The following HMCN2 variants were observed in gnomAD, a reference collection of about 807,000 sequenced individuals.
HMCN2 encodes the protein hemicentin-2.
In HMCN2, 325 loss-of-function variants were observed where a neutral mutation model predicts 377.5. The ratio of observed to expected loss-of-function variants is 0.86; its 90% CI spans 0.79 to 0.94. The LOEUF is 0.94. Ranked by LOEUF, HMCN2 falls within the 40% of genes least tolerant of loss-of-function variation. The pLI, the probability that HMCN2 is intolerant of heterozygous loss-of-function variation, is 0.00. For synonymous variants in HMCN2, 2,007 were observed against 2,046.8 expected, an observed-to-expected ratio of 0.98 and a Z score of 0.53; for missense variants, 4,543 against 4,725.3, an observed-to-expected ratio of 0.96 and a Z score of 1.13.
At chr9:130,429,878 G>A in intron 94 of HMCN2, 193 bp downstream of exon 94, 2 of 1,104,418 alleles carry the variant, frequency 1.8e-6, no homozygotes, top group South Asian at 1.8e-5. Context: ...CCGACACTTT[G>A]CACTCACTGG....
At chr9:130,424,167 ATAT>A (rs1174254028) in intron 87 of HMCN2, among the ~76,000 whole-genome samples, 3,317 of 97,112 alleles carry the variant, frequency 0.034, 56 homozygotes, top group African/African-American at 0.086. Flanking sequence ...ATATATATAT[ATAT>A]TTTTTTTTTT....
At position 130,397,643 on chromosome 9, in the gene HMCN2, C is replaced by T. The variant is rs943295023; in HGVS notation, c.11314C>T (p.Leu3772=). The T allele has an allele frequency of 7.8e-7, 1 of 1,289,806 alleles. No homozygotes were observed. The highest frequency in any genetic ancestry group is 1.0e-6 in the Non-Finnish European group (1 of 988,876). The allele number at this position is 1,289,806 out of a possible 1,614,324, so 79.9% of individuals were successfully genotyped here. A position where few individuals can be genotyped will look rare whatever the true frequency, so the allele number is the denominator to read the frequency against. The part of the protein sequence containing the change: ...SAGSDRQGRD[L]RVLEPPAIAP... ...TGGCTCCGATCGTCAAGGCCGTGAC[C>T]TACGGGTCTTGGGTAGGTGGCCTGG... The change falls in exon 74 of 98, where the codon CTA becomes TTA. Residue 3772 remains leucine (L), a synonymous_variant. Coordinates refer to ENST00000683500, the MANE Select transcript of HMCN2 (RefSeq NM_001291815.2).
chr9:130,420,408 C>T (rs1172922510), intron 86 of HMCN2, among the ~76,000 whole-genome samples: 17 of 152,228 alleles, frequency 1.1e-4, no homozygotes, highest in Non-Finnish European at 2.2e-4. Flanking sequence ...TTGGCAGGCC[C>T]CAGTCCCAAC....
chr9:130,419,068 C>T (rs1028283483), intron 86 of HMCN2, 27 bp downstream of exon 86: 13 of 1,465,160 alleles, frequency 8.9e-6, no homozygotes, highest in East Asian at 2.5e-5. Flanking sequence ...TCTGGACCTT[C>T]GTGGACAGAG....
At chr9:130,342,148 C>T (rs1160457897) in intron 24 of HMCN2, among the ~76,000 whole-genome samples, 3 of 152,168 alleles carry the variant, frequency 2.0e-5, no homozygotes, top group South Asian at 4.1e-4. Flanking sequence ...ATGTGGGGCT[C>T]GGCCCTGGTG....
intron 4 of HMCN2, among the ~76,000 whole-genome samples, chr9:130,288,494 G>T (rs970438537): frequency 1.3e-5 from 2 of 152,202 alleles, no homozygotes; most frequent in Non-Finnish European, 2.9e-5. Context: ...CCAGGGCTGC[G>T]GTCACCCTCC....
chr9:130,274,386 T>C (rs1463178955), intron 1 of HMCN2, among the ~76,000 whole-genome samples: 4 of 152,186 alleles, frequency 2.6e-5, no homozygotes, highest in African/African-American at 9.7e-5. Flanking sequence ...TTTTTGCATT[T>C]CTTGCATAAG....
intron 55 of HMCN2, among the ~76,000 whole-genome samples, 158 bp from the exon 56 acceptor site, chr9:130,382,521 C>G (rs1241007608): frequency 6.6e-6 from 1 of 152,156 alleles, no homozygotes; most frequent in African/African-American, 2.4e-5. Flanking sequence ...TTTCTGTGCC[C>G]CCGATTCCTT....
chr9:130,337,732 G>C (rs1838827589), intron 22 of HMCN2, among the ~76,000 whole-genome samples, 162 bp from the exon 23 acceptor site: 1 of 151,160 alleles, frequency 6.6e-6, no homozygotes, highest in African/African-American at 2.4e-5. Flanking sequence ...GCCCTGGCCT[G>C]GTGGTTCAGG....
chr9:130,295,856 G>A (rs1168851824), intron 6 of HMCN2, 84 bp downstream of exon 6: 14 of 431,354 alleles, frequency 3.2e-5, no homozygotes, highest in Non-Finnish European at 5.8e-5. Context: ...TGGGGAGCCT[G>A]TGGCCTCGGG....
chr9:130,393,340 T>C lies in HMCN2; in HGVS notation c.10234+31T>C. ...GAGCAGGGGGTGGGGCAAGGGGGTC[T>C]CTGGCCTTGGTGGGTGAGAATCAAG... On this transcript the variant is annotated intron_variant, in intron 67 of 97. Transcript: ENST00000683500. The surrounding 1 kb of genome is among the most constrained non-coding windows in gnomAD (Gnocchi z 5.2). 1 of 988,718 alleles carries C rather than the reference T, an allele frequency of 1.0e-6. No homozygotes were observed. The highest frequency in any genetic ancestry group is 1.2e-6 in the Non-Finnish European group (1 of 829,594). 61.2% of individuals were successfully genotyped at this position (988,718 alleles called of 1,614,324 possible).
In HMCN2 at chr9:130,349,658, C is replaced by G. The variant is rs1398392029; in HGVS notation, c.4425C>G (p.Asp1475Glu). 2 of 1,303,012 alleles carry G rather than the reference C, an allele frequency of 1.5e-6. No homozygotes were observed. The highest frequency in any genetic ancestry group is 2.0e-6 in the Non-Finnish European group (2 of 988,236). 80.7% of individuals were successfully genotyped at this position (1,303,012 alleles called of 1,614,324 possible). A position where few individuals can be genotyped will look rare whatever the true frequency, so the allele number is the denominator to read the frequency against. Residue 1475 changes from aspartate to glutamate, a missense_variant, in exon 29 of 98, where the codon GAC becomes GAG. Asp to Glu is a conservative substitution (Grantham distance 45, BLOSUM62 2). Transcript: ENST00000683500. Reference sequence around the variant, plus strand: ...CGCCCCAGGTGGAGTGGACCAAGGACAGGCAGTGAGTGCCCCCCTCCCCGA... The same window carrying G: ...CGCCCCAGGTGGAGTGGACCAAGGAGAGGCAGTGAGTGCCCCCCTCCCCGA... ...VPTPQVEWTKDRQPVLPGGPH... is the reference protein window; with the variant it reads ...VPTPQVEWTKERQPVLPGGPH...
intron 31 of HMCN2, among the ~76,000 whole-genome samples, chr9:130,353,569 G>A (rs1839847305): frequency 6.6e-6 from 1 of 152,212 alleles, no homozygotes; most frequent in Non-Finnish European, 1.5e-5. Context: ...TAGACCAGAG[G>A]GGCACTTTGC....
In HMCN2 at chr9:130,430,438, C is replaced by T. The variant is rs1045027878; in HGVS notation, c.14481C>T (p.Thr4827=). 43 of 1,550,444 alleles carry T rather than the reference C, an allele frequency of 2.8e-5. No individual in the cohort carries two copies. The highest frequency in any genetic ancestry group is 1.9e-4 in the African/African-American group (14 of 73,064). ...AGCGGAATGGACAAAATGTGACCAC[C>T]GTCAGCCACCGAGGCCCTCTATTGC... ...SLERNGQNVT[T]VSHRGPLLPW... The change falls in exon 95 of 98, where the codon ACC becomes ACT. Residue 4827 remains threonine (T), a synonymous_variant. Transcript: ENST00000683500.
Position 130,346,205 on chromosome 9 carries a change from G to T in HMCN2, c.3830-961G>T, listed in dbSNP as rs1014726149. Among the ~76,000 whole-genome samples the T allele has an allele frequency of 3.3e-5, 5 of 152,274 alleles. No homozygotes were observed. The East Asian group carries it at 9.7e-4, about 29-fold the overall frequency. On this transcript the variant is annotated intron_variant, in intron 25 of 97. Coordinates refer to ENST00000683500, the MANE Select transcript of HMCN2 (RefSeq NM_001291815.2). The stretch of plus-strand genomic sequence containing the variant: ...GAGAGCTAGGGCCAGGATGGCAGCA[G>T]CAGAGTGTGTGCCTGGGGCTCACGC...
intron 25 of HMCN2, among the ~76,000 whole-genome samples, chr9:130,345,325 G>A (rs1210357482): frequency 7.5e-6 from 1 of 134,078 alleles, no homozygotes; most frequent in Admixed American, 7.4e-5. Flanking sequence ...TGATATGTAT[G>A]CTGTGTGTGT....
chr9:130,410,735 G>T, intron 85 of HMCN2, 83 bp downstream of exon 85: 1 of 1,124,296 alleles, frequency 8.9e-7, no homozygotes, highest in East Asian at 2.6e-5. Flanking sequence ...AGGGCAGACG[G>T]CAGGGCTGGG....
rs1838106133 is a variant in HMCN2, at chr9:130,325,861, G to A, written c.3084G>A (p.Glu1028=). The A allele has an allele frequency of 6.6e-6, 1 of 152,332 alleles. No homozygotes were observed. The highest frequency in any genetic ancestry group is 1.9e-4 in the East Asian group (1 of 5,206). 9.4% of individuals were successfully genotyped at this position (152,332 alleles called of 1,614,324 possible). A position where few individuals can be genotyped will look rare whatever the true frequency, so the allele number is the denominator to read the frequency against. ...GTCCCCACTACAATGTGAGTAAGGA[G>A]GGCACCCTGCTCATCGCCCAGCCGT... ...SRGPHYNVSK[E]GTLLIAQPSA... is the part of the protein sequence containing the mutation. The change falls in exon 21 of 98, where the codon GAG becomes GAA. Residue 1028 remains glutamate (E), a synonymous_variant. Transcript: ENST00000683500.
chr9:130,395,531 A>C (rs1244790533), intron 71 of HMCN2, among the ~76,000 whole-genome samples, 184 bp downstream of exon 71: 1 of 152,068 alleles, frequency 6.6e-6, no homozygotes, highest in Non-Finnish European at 1.5e-5. Context: ...ATGGATGGGG[A>C]CACTGAGGCA....
Sources: allele counts gnomAD v4.1 joint callset (sites outside exome capture counted in the v4.1 genomes callset), GRCh38; gene constraint gnomAD v4.1.1; non-coding constraint Gnocchi (gnomAD v3.1); transcripts MANE v1.5; gene names NCBI Gene and HGNC (gene_info 2026-07-23, HGNC 2026-07-21).